Variants in LRFN2 observed in about 807,000 individuals in gnomAD.
The protein encoded by LRFN2 is leucine-rich repeat and fibronectin type-III domain-containing protein 2.
In LRFN2, 18 loss-of-function variants were observed where a neutral mutation model predicts 37.3. The observed-to-expected ratio is 0.48, with a 90% CI of 0.33 to 0.72. LRFN2 has a LOEUF of 0.72. Among genes scored for constraint, LRFN2 ranks in the 30% least tolerant of loss-of-function variants. The pLI is 0.02. For synonymous variants in LRFN2, 556 were observed against 466.6 expected (o/e 1.19, Z -2.47); for missense variants, 1,006 against 1,060.7 (o/e 0.95, Z 0.72).
intron 1 of LRFN2, among the ~76,000 whole-genome samples, chr6:40,569,338 G>C (rs767096046): frequency 1.1e-4 from 16 of 152,286 alleles, no homozygotes; most frequent in East Asian, 5.8e-4. Context: ...GGGCTTTCAG[G>C]GGGTAGGGCA....
intron 2 of LRFN2, among the ~76,000 whole-genome samples, chr6:40,397,247 C>T (rs1198149417): frequency 1.3e-5 from 2 of 152,306 alleles, no homozygotes; most frequent in East Asian, 3.9e-4. Flanking sequence ...TGGATTTCCC[C>T]CTTCACTCCT....
chr6:40,435,181 GAC>G (rs1413387220), intron 1 of LRFN2, among the ~76,000 whole-genome samples: 5 of 143,252 alleles, frequency 3.5e-5, no homozygotes, highest in Non-Finnish European at 4.6e-5. Context: ...GAGAGAGAGA[GAC>G]AGATTCTTGC....
intron 2 of LRFN2, among the ~76,000 whole-genome samples, chr6:40,424,347 C>T (rs1763297612): frequency 6.6e-6 from 1 of 152,222 alleles, no homozygotes; most frequent in Non-Finnish European, 1.5e-5. Context: ...TGTCCCCACC[C>T]CAAGTCTCCA....
chr6:40,474,978 A>G (rs1027647421), intron 1 of LRFN2, among the ~76,000 whole-genome samples: 2 of 152,182 alleles, frequency 1.3e-5, no homozygotes, highest in Non-Finnish European at 2.9e-5. Flanking sequence ...AATGACCTCA[A>G]CCATCCCAAG....
In LRFN2 at chr6:40,392,665, T is replaced by TGAA; in HGVS notation, c.1645_1647dup (p.Phe549dup). ...TTGTAGCGCACCATGAGGATGACGA[T>TGAA]GAAGACCAGCAGCGTGGCCACGATG... On this transcript the variant is annotated inframe_insertion, in exon 3 of 3. Transcript: ENST00000338305. This position sits in a 1 kb window ranked among gnomAD's most constrained non-coding sequence, Gnocchi z 4.7. The TGAA allele has an allele frequency of 6.2e-7, 1 of 1,613,700 alleles. No homozygotes were observed.
chr6:40,414,528 C>T (rs1052718439), intron 2 of LRFN2, among the ~76,000 whole-genome samples: 22 of 152,180 alleles, frequency 1.4e-4, no homozygotes, highest in African/African-American at 4.6e-4. Flanking sequence ...TCTTATTATC[C>T]TTATCTTTAT....
chr6:40,572,071 C>A (rs373250899), intron 1 of LRFN2, among the ~76,000 whole-genome samples: 1 of 152,244 alleles, frequency 6.6e-6, no homozygotes, highest in Non-Finnish European at 1.5e-5. Context: ...TCTGCTCCCA[C>A]GCTTTGCTAA....
intron 1 of LRFN2, among the ~76,000 whole-genome samples, chr6:40,497,611 T>C (rs1218926784): frequency 6.6e-6 from 1 of 152,186 alleles, no homozygotes; most frequent in African/African-American, 2.4e-5. Flanking sequence ...CAGAAAAGAA[T>C]GTACTTACAA....
intron 2 of LRFN2, among the ~76,000 whole-genome samples, chr6:40,420,633 C>T (rs1404572648): frequency 6.6e-6 from 1 of 152,236 alleles, no homozygotes; most frequent in Non-Finnish European, 1.5e-5. Flanking sequence ...TTCTAACTTC[C>T]CGGCAGAACG....
chr6:40,415,947 A>C (rs773088579), intron 2 of LRFN2, among the ~76,000 whole-genome samples: 10 of 152,250 alleles, frequency 6.6e-5, no homozygotes, highest in Non-Finnish European at 1.5e-4. Flanking sequence ...ATAAGGATGA[A>C]GGCAGAATCT....
chr6:40,462,292 G>A (rs994145718), intron 1 of LRFN2, among the ~76,000 whole-genome samples: 3 of 152,214 alleles, frequency 2.0e-5, no homozygotes, highest in Non-Finnish European at 4.4e-5. Context: ...TGGGATAGTG[G>A]CTGGTAGGAA....
intron 1 of LRFN2, among the ~76,000 whole-genome samples, chr6:40,473,847 G>A (rs957439316): frequency 6.6e-6 from 1 of 152,062 alleles, no homozygotes; most frequent in African/African-American, 2.4e-5. Context: ...TATATTACCA[G>A]TGAGGAAACT....
intron 2 of LRFN2, among the ~76,000 whole-genome samples, chr6:40,400,390 C>A (rs1212309060): frequency 6.7e-6 from 1 of 148,160 alleles, no homozygotes; most frequent in African/African-American, 2.5e-5. Context: ...CTGGCTGGTT[C>A]TGAGGACATC....
intron 1 of LRFN2, among the ~76,000 whole-genome samples, chr6:40,534,383 C>T (rs187024528): frequency 5.9e-5 from 9 of 152,052 alleles, no homozygotes; most frequent in African/African-American, 2.2e-4. Context: ...CACAAGAGGG[C>T]TCCCCAGACC....
At chr6:40,435,130 T>G (rs1164488185) in intron 1 of LRFN2, among the ~76,000 whole-genome samples, 2 of 123,924 alleles carry the variant, frequency 1.6e-5, no homozygotes, top group African/African-American at 3.1e-5. Flanking sequence ...ATATATATAT[T>G]ATGTATTTTA....
At chr6:40,533,321 C>G (rs1176169970) in intron 1 of LRFN2, among the ~76,000 whole-genome samples, 2 of 151,394 alleles carry the variant, frequency 1.3e-5, no homozygotes, top group African/African-American at 4.9e-5. Flanking sequence ...CTGTTCCCTG[C>G]TCTAAAAAGT....
rs60167160 is a variant in LRFN2, at chr6:40,556,658, GTCTCTCTCTCTCTCTC to G, written c.-19+30267_-19+30282del. Among the ~76,000 whole-genome samples, 853 of 139,438 alleles carry G rather than the reference GTCTCTCTCTCTCTCTC, an allele frequency of 6.1e-3. 8 individuals carry two copies. The highest frequency in any genetic ancestry group is 8.6e-3 in the Non-Finnish European group (559 of 64,960). 91.5% of individuals were successfully genotyped at this position (139,438 alleles called of 152,430 possible). A position where few individuals can be genotyped will look rare whatever the true frequency, so the allele number is the denominator to read the frequency against. ...AGTGTGGAGAGTGAATTAGAACCAG[GTCTCTCTCTCTCTCTC>G]TCTCTCTCTCTCTCTTTGTTTCTCT... On this transcript the variant is annotated intron_variant, in intron 1 of 2. Coordinates refer to ENST00000338305, the MANE Select transcript of LRFN2 (RefSeq NM_020737.3).
chr6:40,540,687 C>T (rs1196104398), intron 1 of LRFN2, among the ~76,000 whole-genome samples: 1 of 152,164 alleles, frequency 6.6e-6, no homozygotes, highest in Non-Finnish European at 1.5e-5. Context: ...AAACACGGGG[C>T]CTTCTGCAGA....
intron 1 of LRFN2, among the ~76,000 whole-genome samples, chr6:40,506,132 G>A (rs1765529490): frequency 6.6e-6 from 1 of 152,212 alleles, no homozygotes; most frequent in South Asian, 2.1e-4. Flanking sequence ...TCTTATTCCA[G>A]CATTCTCAAA....
Sources: allele counts gnomAD v4.1 joint callset (sites outside exome capture counted in the v4.1 genomes callset), GRCh38; gene constraint gnomAD v4.1.1; non-coding constraint Gnocchi (gnomAD v3.1); transcripts MANE v1.5; gene names NCBI Gene and HGNC (gene_info 2026-07-23, HGNC 2026-07-21).